ARHGEF28: variants seen among roughly 807,000 people sequenced by gnomAD.
The protein encoded by ARHGEF28 is Rho guanine nucleotide exchange factor 28, also known as 190 kDa guanine nucleotide exchange factor.
In ARHGEF28, 152 loss-of-function variants were observed where a neutral mutation model predicts 206.6. That is an observed-to-expected ratio of 0.74 (90% confidence interval 0.64 to 0.84). The LOEUF (loss-of-function observed/expected upper bound fraction) is 0.84. Among genes scored for constraint, ARHGEF28 ranks in the 40% least tolerant of loss-of-function variants. The probability of loss-of-function intolerance (pLI) is 0.00; values close to 1 mark genes in which losing one functional copy is unlikely to be tolerated. For missense variants in ARHGEF28, 2,028 were observed against 2,073.2 expected, an observed-to-expected ratio of 0.98 and a Z score of 0.42; for synonymous variants, 763 against 776.4, an observed-to-expected ratio of 0.98 and a Z score of 0.29.
At chr5:73,714,531 G>A (rs2112315482) in intron 2 of ARHGEF28, among the ~76,000 whole-genome samples, 1 of 152,290 alleles carries the variant, frequency 6.6e-6, no homozygotes, top group East Asian at 1.9e-4. Context: ...GCAAGCACAA[G>A]TGAAGATTAT....
intron 2 of ARHGEF28, among the ~76,000 whole-genome samples, chr5:73,747,138 C>G (rs1031568359): frequency 1.3e-5 from 2 of 152,122 alleles, no homozygotes; most frequent in African/African-American, 4.8e-5. Flanking sequence ...GAACACATCT[C>G]TATTGTTTCT....
intron 12 of ARHGEF28, among the ~76,000 whole-genome samples, chr5:73,847,889 A>G (rs1229774362): frequency 6.6e-6 from 1 of 152,144 alleles, no homozygotes; most frequent in Non-Finnish European, 1.5e-5. Flanking sequence ...GTGCTCCCTA[A>G]TAAGATAGGA....
chr5:73,913,814 C>T (rs1008039725), intron 35 of ARHGEF28, among the ~76,000 whole-genome samples: 1 of 152,160 alleles, frequency 6.6e-6, no homozygotes, highest in Non-Finnish European at 1.5e-5. Context: ...GGTATTTTAG[C>T]TAAATGTGTA....
chr5:73,750,109 C>G (rs1026694989), intron 3 of ARHGEF28, 125 bp downstream of exon 3: 1 of 1,113,450 alleles, frequency 9.0e-7, no homozygotes, highest in South Asian at 1.5e-5. Context: ...GGAGTGTGTG[C>G]GTGCCTGTGT....
chr5:73,867,752 A>C, intron 18 of ARHGEF28, 124 bp from the exon 19 acceptor site: 1 of 1,302,276 alleles, frequency 7.7e-7, no homozygotes, highest in South Asian at 1.4e-5. Context: ...ACTGGTTTTA[A>C]GGCAGAGCAT....
At chr5:73,632,659 G>A (rs73116505) in intron 1 of ARHGEF28, among the ~76,000 whole-genome samples, 5,564 of 152,172 alleles carry the variant, frequency 0.037, 357 homozygotes, top group African/African-American at 0.13. Context: ...TTTTATTGAG[G>A]TTAGAAAATA....
intron 14 of ARHGEF28, among the ~76,000 whole-genome samples, chr5:73,856,049 G>A (rs577907170): frequency 6.6e-6 from 1 of 152,090 alleles, no homozygotes; most frequent in South Asian, 2.1e-4. Context: ...GCATTTGGTG[G>A]GGTCAAAAAA....
At chr5:73,743,947 T>C (rs990470689) in intron 2 of ARHGEF28, among the ~76,000 whole-genome samples, 1 of 152,188 alleles carries the variant, frequency 6.6e-6, no homozygotes, top group African/African-American at 2.4e-5. Context: ...GAAAATGTAC[T>C]GAGCCTGGCA....
chr5:73,767,610 C>T (rs1752969338), intron 4 of ARHGEF28, among the ~76,000 whole-genome samples: 1 of 152,082 alleles, frequency 6.6e-6, no homozygotes. Context: ...AATTTCTAAG[C>T]AGCAAAGCCT....
At chr5:73,749,755 A>G in intron 2 of ARHGEF28, 82 bp from the exon 3 acceptor site, 1 of 1,498,502 alleles carries the variant, frequency 6.7e-7, no homozygotes, top group Non-Finnish European at 9.1e-7. Flanking sequence ...TGACACTGTT[A>G]TGGACCCAGG....
At chr5:73,793,082 C>T (rs554214167) in intron 7 of ARHGEF28, among the ~76,000 whole-genome samples, 15 of 152,100 alleles carry the variant, frequency 9.9e-5, no homozygotes, top group African/African-American at 3.4e-4. Flanking sequence ...TTACTTTGTT[C>T]GCTGGTTATT....
chr5:73,687,917 G>T (rs1248369681), intron 2 of ARHGEF28, among the ~76,000 whole-genome samples: 1 of 152,064 alleles, frequency 6.6e-6, no homozygotes, highest in Non-Finnish European at 1.5e-5. Context: ...AGATGATACA[G>T]TGTTTTCTCA....
intron 26 of ARHGEF28, among the ~76,000 whole-genome samples, chr5:73,890,748 C>A (rs936935744): frequency 6.6e-6 from 1 of 152,162 alleles, no homozygotes; most frequent in Non-Finnish European, 1.5e-5. Flanking sequence ...ATAAAGGCGT[C>A]GCTCAGTCCA....
At position 73,894,566 on chromosome 5, in the gene ARHGEF28, C is replaced by A. The variant is rs751785093; in HGVS notation, c.3832C>A (p.Leu1278Met). Residue 1278 changes from leucine (L) to methionine (M), a missense_variant, in exon 29 of 36, where the codon CTG (leucine) becomes ATG (methionine). This residue lies in a region of ARHGEF28 where 803 missense variants were observed against 768.0 expected (regional missense o/e 1.05). Transcript: ENST00000513042. The part of the protein sequence containing the change: ...PQAASLLAAA[L>M]KEAESLQVAV... ...GGCAGCCTCATTACTGGCAGCAGCACTGAAAGAAGGTAAACTGCTGTGAGA... is the reference window on the plus strand; with the variant it reads ...GGCAGCCTCATTACTGGCAGCAGCAATGAAAGAAGGTAAACTGCTGTGAGA... 5.0e-6 allele frequency: 8 copies of A among 1,613,402 alleles called. 1 individual carries two copies. In the South Asian group the frequency reaches 8.8e-5, roughly 18 times the overall value.
intron 21 of ARHGEF28, among the ~76,000 whole-genome samples, chr5:73,871,168 T>A (rs1352202): frequency 0.32 from 48,701 of 152,114 alleles, 8,054 homozygotes; most frequent in Admixed American, 0.4. Flanking sequence ...ATTAAAAGTA[T>A]TCTAACCCAT....
intron 2 of ARHGEF28, among the ~76,000 whole-genome samples, chr5:73,739,103 A>T (rs1751200130): frequency 6.6e-6 from 1 of 151,412 alleles, no homozygotes; most frequent in Non-Finnish European, 1.5e-5. Context: ...GGCCTTAGAG[A>T]CTCTTTCTTA....
chr5:73,737,893 G>A (rs953678322), intron 2 of ARHGEF28, among the ~76,000 whole-genome samples: 11 of 152,084 alleles, frequency 7.2e-5, no homozygotes, highest in Admixed American at 2.6e-4. Context: ...CTCTTTCCAC[G>A]TGCCCTGCTT....
At chr5:73,676,585 A>C (rs565145753) in intron 1 of ARHGEF28, among the ~76,000 whole-genome samples, 240 of 152,266 alleles carry the variant, frequency 1.6e-3, no homozygotes, top group Non-Finnish European at 1.7e-3. Context: ...TTTTTATTAG[A>C]AATACCCAAA....
intron 16 of ARHGEF28, among the ~76,000 whole-genome samples, chr5:73,861,286 T>G (rs1245305870): frequency 6.7e-6 from 1 of 149,998 alleles, no homozygotes; most frequent in Non-Finnish European, 1.5e-5. Context: ...TGATGGAAAT[T>G]GCTGAAAATA....
Sources: gnomAD v4.1 joint callset for allele counts (sites outside exome capture counted in the v4.1 genomes callset) on GRCh38, gnomAD v4.1.1 for gene constraint, gnomAD v4.1.1 regional missense constraint, MANE v1.5 for transcripts, NCBI Gene and HGNC (gene_info 2026-07-23, HGNC 2026-07-21) for gene names.